Variants in PRKD1 observed in about 807,000 individuals in gnomAD.
PRKD1 encodes serine/threonine-protein kinase D1.
Under a neutral mutation model 95.9 loss-of-function variants are expected in PRKD1, and 63 were observed. That is an observed-to-expected ratio of 0.66 (90% confidence interval 0.54 to 0.81). PRKD1 has a LOEUF of 0.81. PRKD1 is among the 30% of genes least tolerant of loss of function. The pLI is 0.00. For missense variants in PRKD1, 1,048 were observed against 1,165.3 expected (o/e 0.90, Z 1.47); for synonymous variants, 425 against 423.1 (o/e 1.00, Z -0.05).
rs1217207881 is a variant in PRKD1, at chr14:29,634,406, T to C, written c.1314+12A>G. 1 of 1,613,934 alleles carries C rather than the reference T, an allele frequency of 6.2e-7. No individual in the cohort carries two copies. Among genetic ancestry groups the C allele is most frequent in the Non-Finnish European group, 8.5e-7 (1 of 1,179,856 alleles). On this transcript the variant is annotated intron_variant, in intron 8 of 17. Transcript: ENST00000331968. ...AGCAAGGCAAGAGAACATTGTTCCC[T>C]GTGGATCTTACCAGCGTGTCCTTGC...
At chr14:29,880,267 C>T (rs986346982) in intron 1 of PRKD1, among the ~76,000 whole-genome samples, 5 of 152,128 alleles carry the variant, frequency 3.3e-5, no homozygotes, top group Non-Finnish European at 7.4e-5. Context: ...AACTTGGTGC[C>T]TTGTGTCCCA....
chr14:29,610,559 C>G (rs1357984559), intron 13 of PRKD1, among the ~76,000 whole-genome samples: 1 of 152,182 alleles, frequency 6.6e-6, no homozygotes, highest in African/African-American at 2.4e-5. Context: ...AACTTTAATT[C>G]ATTGCTGGTG....
Position 29,909,004 on chromosome 14 carries a change from G to A in PRKD1, c.264+18245C>T, listed in dbSNP as rs145523997. Among the ~76,000 whole-genome samples, 45 of 152,302 alleles carry A rather than the reference G, an allele frequency of 3.0e-4. 1 individual carries two copies. The East Asian group carries it at 6.2e-3, about 21-fold the overall frequency. The stretch of plus-strand genomic sequence containing the variant: ...TGCAGTGAGGTGTGGAGGGAGAAGC[G>A]CAAGCGGGAACCAGGGCTGCGAGTG... On this transcript the variant is annotated intron_variant, in intron 1 of 17. Coordinates refer to ENST00000331968, the MANE Select transcript of PRKD1 (RefSeq NM_002742.3).
At chr14:29,922,084 G>A (rs1239948273) in intron 1 of PRKD1, among the ~76,000 whole-genome samples, 2 of 152,062 alleles carry the variant, frequency 1.3e-5, no homozygotes, top group African/African-American at 4.8e-5. Context: ...GGCGGATTAC[G>A]AGGTCAGGAG....
intron 13 of PRKD1, among the ~76,000 whole-genome samples, chr14:29,619,171 T>G (rs1879076708): frequency 6.6e-6 from 1 of 152,184 alleles, no homozygotes; most frequent in Admixed American, 6.5e-5. Context: ...ACGGTACTTT[T>G]TTTTTTTAAC....
intron 1 of PRKD1, among the ~76,000 whole-genome samples, chr14:29,924,325 T>C (rs1895223610): frequency 1.3e-5 from 2 of 152,188 alleles, no homozygotes; most frequent in South Asian, 4.1e-4. Context: ...ACCATCACAA[T>C]GTTTCAAGTA....
At chr14:29,603,419 T>C (rs1170708806) in intron 13 of PRKD1, among the ~76,000 whole-genome samples, 4 of 152,296 alleles carry the variant, frequency 2.6e-5, no homozygotes, top group Middle Eastern at 3.4e-3. Context: ...ACAGACTACA[T>C]AGATCATGCC....
intron 1 of PRKD1, among the ~76,000 whole-genome samples, chr14:29,854,699 C>A (rs1892431967): frequency 1.3e-5 from 2 of 152,180 alleles, no homozygotes; most frequent in Admixed American, 1.3e-4. Context: ...TGTCTCCAGA[C>A]CATGTCAGAG....
At chr14:29,696,662 C>A (rs958417068) in intron 2 of PRKD1, among the ~76,000 whole-genome samples, 5 of 152,056 alleles carry the variant, frequency 3.3e-5, no homozygotes, top group Non-Finnish European at 5.9e-5. Flanking sequence ...TTTAAAATGT[C>A]TCTAAAACTT....
At chr14:29,836,891 C>T (rs562903824) in intron 1 of PRKD1, among the ~76,000 whole-genome samples, 27 of 152,002 alleles carry the variant, frequency 1.8e-4, no homozygotes, top group African/African-American at 2.9e-4. Flanking sequence ...TAAGTGTAGC[C>T]GGAAAGAAGT....
At chr14:29,731,875 T>A (rs571103968) in intron 1 of PRKD1, among the ~76,000 whole-genome samples, 22 of 151,606 alleles carry the variant, frequency 1.5e-4, no homozygotes, top group East Asian at 3.9e-4. Flanking sequence ...TACTTTTTTT[T>A]TTTTTTTTTT....
intron 1 of PRKD1, among the ~76,000 whole-genome samples, chr14:29,906,127 C>T (rs922007159): frequency 1.3e-5 from 2 of 151,432 alleles, no homozygotes; most frequent in Non-Finnish European, 2.9e-5. Context: ...TAAACACACA[C>T]ACATAGAAAT....
At chr14:29,828,097 T>A (rs192767677) in intron 1 of PRKD1, among the ~76,000 whole-genome samples, 237 of 152,310 alleles carry the variant, frequency 1.6e-3, no homozygotes, top group African/African-American at 5.5e-3. Flanking sequence ...TAATAATAAA[T>A]GTAAATCACA....
chr14:29,901,101 C>T (rs558843570), intron 1 of PRKD1, among the ~76,000 whole-genome samples: 13 of 152,230 alleles, frequency 8.5e-5, no homozygotes, highest in African/African-American at 3.1e-4. Context: ...TGCCCTTCAA[C>T]AGTGAACTGG....
chr14:29,651,939 T>A (rs916460330), intron 4 of PRKD1, among the ~76,000 whole-genome samples: 1 of 151,966 alleles, frequency 6.6e-6, no homozygotes, highest in African/African-American at 2.4e-5. Flanking sequence ...AGAGATGGGG[T>A]TTCACCACGT....
At chr14:29,844,359 GA>G (rs1891993008) in intron 1 of PRKD1, among the ~76,000 whole-genome samples, 2 of 152,054 alleles carry the variant, frequency 1.3e-5, no homozygotes, top group South Asian at 2.1e-4. Flanking sequence ...TAAAATGGAA[GA>G]AAAATATTGC....
At chr14:29,793,672 A>G (rs988699006) in intron 1 of PRKD1, among the ~76,000 whole-genome samples, 1 of 152,070 alleles carries the variant, frequency 6.6e-6, no homozygotes, top group African/African-American at 2.4e-5. Context: ...TAAAGCTTTT[A>G]TAAAATGAAG....
At chr14:29,706,960 A>G (rs1380576442) in intron 2 of PRKD1, among the ~76,000 whole-genome samples, 1 of 152,168 alleles carries the variant, frequency 6.6e-6, no homozygotes, top group Non-Finnish European at 1.5e-5. Context: ...GCATACAAAT[A>G]GTACAGGTTG....
chr14:29,822,312 G>A (rs1184533011), intron 1 of PRKD1, among the ~76,000 whole-genome samples: 1 of 152,142 alleles, frequency 6.6e-6, no homozygotes, highest in African/African-American at 2.4e-5. Context: ...CCTTCAAGTG[G>A]TTTCTTCAGA....
Sources: gnomAD v4.1 joint callset for allele counts (sites outside exome capture counted in the v4.1 genomes callset) on GRCh38, gnomAD v4.1.1 for gene constraint, MANE v1.5 for transcripts, NCBI Gene and HGNC (gene_info 2026-07-23, HGNC 2026-07-21) for gene names.